The following ZNF606 variants were observed in gnomAD, a reference collection of about 807,000 sequenced individuals.
The protein encoded by ZNF606 is zinc finger protein 328.
In ZNF606, 37 loss-of-function variants were observed where a neutral mutation model predicts 74.9. The observed-to-expected ratio is 0.49, with a 90% CI of 0.38 to 0.65. The LOEUF (loss-of-function observed/expected upper bound fraction) is 0.65. ZNF606 is among the 30% of genes least tolerant of loss of function. ZNF606 has a pLI of 0.00. For synonymous variants in ZNF606, 328 were observed against 312.4 expected, an observed-to-expected ratio of 1.05 and a Z score of -0.53; for missense variants, 852 against 952.9, an observed-to-expected ratio of 0.89 and a Z score of 1.39.
chr19:57,986,072 C>CAA (rs57618614), intron 6 of ZNF606, among the ~76,000 whole-genome samples: 16 of 151,746 alleles, frequency 1.1e-4, no homozygotes, highest in African/African-American at 3.6e-4. Flanking sequence ...GAAAGAAAGA[C>CAA]AAAAAAACAT....
chr19:57,998,309 CTCAG>C lies in ZNF606; in HGVS notation c.177+1495_177+1498del, dbSNP rs956080250. 1.9e-3 allele frequency: 292 copies of C among 152,040 alleles called. 2 individuals carry two copies. Among genetic ancestry groups the C allele is most frequent in the African/African-American group, 6.7e-3 (279 of 41,446 alleles). The allele number at this position is 152,040 out of a possible 1,614,324, so 9.4% of individuals were successfully genotyped here. On this transcript the variant is annotated intron_variant, in intron 4 of 6. Coordinates refer to ENST00000551380, the MANE Select transcript of ZNF606 (RefSeq NM_001348022.3). The stretch of plus-strand genomic sequence containing the variant: ...AAAACAGGAAGTTAAAAATGGCTGC[CTCAG>C]TCATTTTTTACAATGTAATTACATT...
intron 5 of ZNF606, 87 bp downstream of exon 5, chr19:57,988,508 C>A (rs144128800): frequency 4.5e-6 from 7 of 1,539,754 alleles, no homozygotes; most frequent in East Asian, 4.5e-5. Flanking sequence ...ACACCACCCT[C>A]GCCCCTGCAA....
At chr19:58,001,110 AAGTT>A in intron 2 of ZNF606, 175 bp downstream of exon 2, 1 of 693,984 alleles carries the variant, frequency 1.4e-6, no homozygotes. Flanking sequence ...TAAAACATAA[AAGTT>A]AGTGTCTTTT....
In ZNF606 at chr19:57,979,028, T is replaced by C. The variant is rs1448590900; in HGVS notation, c.1652A>G (p.Asp551Gly). The change falls in exon 7 of 7, where the codon GAC becomes GGC. Residue 551 changes from aspartate to glycine, a missense_variant. By Grantham distance (94) the Asp-to-Gly change is moderately conservative. Coordinates refer to ENST00000551380, the MANE Select transcript of ZNF606 (RefSeq NM_001348022.3). ...TTCATGTTTACTAAGGGCTGAGTAG[T>C]CCCTAAAAGCTTTTTCACATTCATC... Reference protein sequence around the residue: ...KCDECEKAFRDYSALSKHERT... With the variant: ...KCDECEKAFRGYSALSKHERT... The C allele has an allele frequency of 1.2e-6, 2 of 1,613,950 alleles. No homozygotes were observed. Among genetic ancestry groups the C allele is most frequent in the African/African-American group, 1.3e-5 (1 of 74,926 alleles).
intron 6 of ZNF606, among the ~76,000 whole-genome samples, chr19:57,984,950 C>G (rs1276508307): frequency 2.0e-5 from 3 of 152,024 alleles, no homozygotes; most frequent in Non-Finnish European, 4.4e-5. Flanking sequence ...TAAAAATTAG[C>G]CAGGCGTGGT....
In ZNF606 at chr19:58,002,679, C is replaced by A. The variant is rs895883380; in HGVS notation, c.-335G>T. On this transcript the variant is annotated 5_prime_UTR_variant, in exon 1 of 7. Transcript: ENST00000551380. ...CGGCGCAAAGCCGGCGCGGAAAGGGCAGGCGCAGGACCCACCCTGACGCCG... is the reference window on the plus strand; with the variant it reads ...CGGCGCAAAGCCGGCGCGGAAAGGGAAGGCGCAGGACCCACCCTGACGCCG... 2.2e-6 allele frequency: 1 copy of A among 454,420 alleles called. No individual in the cohort carries two copies. The highest frequency in any genetic ancestry group is 4.4e-6 in the Non-Finnish European group (1 of 225,980). The allele number at this position is 454,420 out of a possible 1,614,324, so 28.1% of individuals were successfully genotyped here. A position where few individuals can be genotyped will look rare whatever the true frequency, so the allele number is the denominator to read the frequency against.
At chr19:57,989,243 G>A (rs144808525) in intron 4 of ZNF606, among the ~76,000 whole-genome samples, 36 of 152,202 alleles carry the variant, frequency 2.4e-4, no homozygotes, top group Non-Finnish European at 4.3e-4. Context: ...TGAAGCTAAG[G>A]GTGAGCAGGA....
intron 4 of ZNF606, among the ~76,000 whole-genome samples, chr19:57,989,379 G>T (rs994924319): frequency 6.6e-6 from 1 of 151,686 alleles, no homozygotes; most frequent in Non-Finnish European, 1.5e-5. Context: ...AAAACGAGAA[G>T]GAAAAAGGAA....
At chr19:57,988,374 T>G in intron 5 of ZNF606, 72 bp from the exon 6 acceptor site, 1 of 1,490,098 alleles carries the variant, frequency 6.7e-7, no homozygotes, top group South Asian at 1.2e-5. Context: ...TTCTCTTGCC[T>G]ATTCCTCCCT....
chr19:57,978,411 T>C lies in ZNF606; in HGVS notation c.2269A>G (p.Met757Val). ...ATAAAGCGTTTCTCTCCACTATGCA[T>C]TCTCTGATGAATAATAAGGGAAGAA... ...KNSSLIIHQR[M>V]HSGEKRFICS... The change falls in exon 7 of 7, where the codon ATG becomes GTG. Residue 757 changes from methionine (M) to valine (V), a missense_variant. Physicochemically the swap from Met to Val is conservative, Grantham distance 21 (BLOSUM62 1). Around this residue, in one of 3 missense-constraint regions of ZNF606, gnomAD observed 64 missense variants for 51.1 expected, o/e 1.25. Coordinates refer to ENST00000551380, the MANE Select transcript of ZNF606 (RefSeq NM_001348022.3). The surrounding 1 kb of genome is among the most constrained non-coding windows in gnomAD (Gnocchi z 4.4). 1 of 1,614,028 alleles carries C rather than the reference T, an allele frequency of 6.2e-7. No homozygotes were observed. Among genetic ancestry groups the C allele is most frequent in the African/African-American group, 1.3e-5 (1 of 75,064 alleles).
intron 4 of ZNF606, among the ~76,000 whole-genome samples, chr19:57,993,314 G>T (rs1192069159): frequency 6.6e-6 from 1 of 151,930 alleles, no homozygotes; most frequent in Non-Finnish European, 1.5e-5. Flanking sequence ...TCTACTTTGG[G>T]GTTCAAAAAT....
In ZNF606 at chr19:57,978,315, C is replaced by T. The variant is rs2073020263; in HGVS notation, c.2365G>A (p.Glu789Lys). ...CTCGCATAAATTCAATTCAGTTTCT[C>T]TTCACTGTGATTTCTCTGGTGTTGA... ...LLQHQRNHSEEKLN is the reference protein window; with the variant it reads ...LLQHQRNHSEKKLN The change falls in exon 7 of 7, where the codon GAG becomes AAG. Residue 789 changes from glutamate to lysine, a missense_variant. Coordinates refer to ENST00000551380, the MANE Select transcript of ZNF606 (RefSeq NM_001348022.3). The surrounding 1 kb of genome is among the most constrained non-coding windows in gnomAD (Gnocchi z 4.4). The T allele has an allele frequency of 2.6e-6, 4 of 1,565,612 alleles. No individual in the cohort carries two copies. The South Asian group carries it at 4.8e-5, about 19-fold the overall frequency.
At chr19:57,981,401 G>T (rs141158853) in intron 6 of ZNF606, among the ~76,000 whole-genome samples, 1 of 151,988 alleles carries the variant, frequency 6.6e-6, no homozygotes, top group East Asian at 1.9e-4. Flanking sequence ...CCTGGAGGTG[G>T]TCTTGAAGAC....
rs749066944 is a variant in ZNF606 at position 58,001,248 on chromosome 19, A to C, written c.31+41T>G. 4.1e-5 allele frequency: 66 copies of C among 1,610,368 alleles called. No individual in the cohort carries two copies. In the Admixed American group the frequency reaches 1.1e-3, roughly 27 times the overall value. On this transcript the variant is annotated intron_variant, in intron 2 of 6. Transcript: ENST00000551380. ...GCTCTGACCCATGACTGCAGCAGCT[A>C]ATGATAGGGGAGGCCCAGGAGAAAC... is the stretch of plus-strand genomic sequence containing the variant.
chr19:57,990,281 C>T (rs932765486), intron 4 of ZNF606, among the ~76,000 whole-genome samples: 2 of 151,204 alleles, frequency 1.3e-5, no homozygotes, highest in African/African-American at 4.9e-5. Flanking sequence ...AGGAGAATGG[C>T]GTGAACCCAG....
At chr19:57,986,735 T>G (rs910734293) in intron 6 of ZNF606, among the ~76,000 whole-genome samples, 1 of 152,132 alleles carries the variant, frequency 6.6e-6, no homozygotes, top group Non-Finnish European at 1.5e-5. Flanking sequence ...AAAGTTTTGG[T>G]ATACTATTAA....
chr19:57,998,043 G>C (rs2073364036), intron 4 of ZNF606: 1 of 152,152 alleles, frequency 6.6e-6, no homozygotes, highest in African/African-American at 2.4e-5. Context: ...TTTTTAATTT[G>C]AGGGGGAGGC....
chr19:57,998,514 A>G (rs1369391357), intron 4 of ZNF606: 1 of 152,192 alleles, frequency 6.6e-6, no homozygotes, highest in African/African-American at 2.4e-5. Context: ...CAGACTAGGC[A>G]AATTCATAGA....
rs770509952 is a variant in ZNF606, at chr19:57,988,212, C to T, written c.395G>A (p.Cys132Tyr). 6.2e-7 allele frequency: 1 copy of T among 1,613,676 alleles called. No homozygotes were observed. The highest frequency in any genetic ancestry group is 8.5e-7 in the Non-Finnish European group (1 of 1,179,796). The change falls in exon 6 of 7, where the codon TGT (cysteine) becomes TAT (tyrosine). Residue 132 changes from cysteine (C) to tyrosine (Y), a missense_variant. Physicochemically the swap from Cys to Tyr is radical, Grantham distance 194. This residue lies in a region of ZNF606 where 545 missense variants were observed against 542.5 expected (regional missense o/e 1.00). Transcript: ENST00000551380. ...SVEQACPQRT[C>Y]PEWVRNLESK... ...AGCCTGGGGTCTGCCCTCACCTGGA[C>T]AAGTGCGTTGAGGACATGCCTGCTC...
Sources: gnomAD v4.1 joint callset for allele counts (sites outside exome capture counted in the v4.1 genomes callset) on GRCh38, gnomAD v4.1.1 for gene constraint, gnomAD v4.1.1 regional missense constraint, Gnocchi (gnomAD v3.1) non-coding constraint, MANE v1.5 for transcripts, NCBI Gene and HGNC (gene_info 2026-07-23, HGNC 2026-07-21) for gene names.